Variants in DOCK2 observed in about 807,000 individuals in gnomAD.
DOCK2 encodes the protein dedicator of cytokinesis 2.
A neutral mutation model predicts 248.9 loss-of-function variants in DOCK2; 87 were observed. That is an observed-to-expected ratio of 0.35 (90% CI 0.29 to 0.42). The LOEUF (loss-of-function observed/expected upper bound fraction) is 0.42, where lower values mean the gene tolerates loss of function less well. DOCK2 is among the 10% of genes least tolerant of loss of function. The pLI, the probability that DOCK2 is intolerant of heterozygous loss-of-function variation, is 1.00. For missense variants in DOCK2, 1,747 were observed against 2,300.2 expected (o/e 0.76, Z 4.92); for synonymous variants, 805 against 821.6 (o/e 0.98, Z 0.35).
chr5:169,862,963 G>GT (rs1483008874), intron 27 of DOCK2, among the ~76,000 whole-genome samples: 2 of 152,218 alleles, frequency 1.3e-5, no homozygotes, highest in Non-Finnish European at 1.5e-5. Flanking sequence ...TTCTAGCAAT[G>GT]TCAATCTAAC....
rs1757253080 is a variant in DOCK2 at position 170,059,488 on chromosome 5, C to A, written c.4467+1822C>A. On this transcript the variant is annotated intron_variant, in intron 44 of 51. Transcript: ENST00000520908. ...GCCAAACTGTAGCAAACTGAGAGAG[C>A]CCATCCCTGTACTTCCCATTCCCTC... Among the ~76,000 whole-genome samples the A allele has an allele frequency of 2.6e-5, 4 of 152,248 alleles. No individual in the cohort carries two copies. In the South Asian group the frequency reaches 8.3e-4, roughly 32 times the overall value.
intron 27 of DOCK2, chr5:169,882,810 G>C (rs115307165): frequency 6.4e-7 from 1 of 1,551,370 alleles, no homozygotes; most frequent in East Asian, 2.4e-5. Flanking sequence ...TGTCTGACTC[G>C]GTGGGGTTGT....
At chr5:169,710,385 A>T (rs935239064) in intron 15 of DOCK2, among the ~76,000 whole-genome samples, 12 of 152,218 alleles carry the variant, frequency 7.9e-5, no homozygotes, top group African/African-American at 2.9e-4. Context: ...GCACCATTCT[A>T]CTCAGCAATG....
intron 27 of DOCK2, chr5:169,980,181 C>A (rs1198012637): frequency 1.3e-5 from 2 of 152,102 alleles, no homozygotes; most frequent in Admixed American, 1.3e-4. Flanking sequence ...TGATTTAAGC[C>A]AAAGCTTTAA....
At chr5:169,765,430 A>AG (rs1488965966) in intron 25 of DOCK2, among the ~76,000 whole-genome samples, 5 of 152,186 alleles carry the variant, frequency 3.3e-5, no homozygotes, top group African/African-American at 1.2e-4. Flanking sequence ...CTCCAACACA[A>AG]GCTCAGACCT....
intron 2 of DOCK2, among the ~76,000 whole-genome samples, chr5:169,667,690 A>G (rs940081914): frequency 6.6e-5 from 10 of 152,224 alleles, no homozygotes; most frequent in Non-Finnish European, 5.9e-5. Context: ...TTTCATTTGC[A>G]GAGCTGAAGC....
rs192624236 is a variant in DOCK2 at position 169,928,672 on chromosome 5, C to T, written c.2800-54396C>T. Among the ~76,000 whole-genome samples the T allele has an allele frequency of 4.2e-4, 64 of 152,290 alleles. 1 individual carries two copies. Among genetic ancestry groups the T allele is most frequent in the African/African-American group, 1.5e-3 (62 of 41,564 alleles). On this transcript the variant is annotated intron_variant, in intron 27 of 51. Coordinates refer to ENST00000520908, the MANE Select transcript of DOCK2 (RefSeq NM_004946.3). ...GCAGAGAGATCTAAATACATCCAAA[C>T]TGTTGAAGCGTAAAGCATTAGAAAA...
At chr5:169,802,957 T>A in intron 25 of DOCK2, 101 bp from the exon 26 acceptor site, 1 of 1,375,548 alleles carries the variant, frequency 7.3e-7, no homozygotes. Context: ...GGAGAATGTC[T>A]TCATGAACTA....
chr5:169,661,669 A>G (rs1456095283), intron 2 of DOCK2, among the ~76,000 whole-genome samples: 1 of 151,892 alleles, frequency 6.6e-6, no homozygotes, highest in Non-Finnish European at 1.5e-5. Context: ...CTATGTCTGT[A>G]TATTTGACTC....
intron 22 of DOCK2, among the ~76,000 whole-genome samples, chr5:169,723,204 A>G (rs1404738901): frequency 6.6e-6 from 1 of 151,902 alleles, no homozygotes; most frequent in Non-Finnish European, 1.5e-5. Context: ...CTCCTCCTTC[A>G]CCAGCCCCAG....
rs1366224 is a variant in DOCK2, at chr5:169,831,202, A to T, written c.2704-9555A>T. On this transcript the variant is annotated intron_variant, in intron 26 of 51. Transcript: ENST00000520908. ...CATTTTTTCCAGACTTTCTGGACAT[A>T]GAAAATAAATTTTCAAAAAAAAAAG... 6.2e-3 allele frequency among the ~76,000 whole-genome samples: 632 copies of T among 102,012 alleles called. 6 individuals carry two copies. Among genetic ancestry groups the T allele is most frequent in the African/African-American group, 0.028 (568 of 20,544 alleles). 66.9% of individuals were successfully genotyped at this position (102,012 alleles called of 152,430 possible).
chr5:169,679,192 A>G (rs2113340877), intron 6 of DOCK2, among the ~76,000 whole-genome samples: 2 of 152,310 alleles, frequency 1.3e-5, no homozygotes, highest in Middle Eastern at 6.8e-3. Context: ...GGTGCGTGCC[A>G]CCATGCCCAG....
At chr5:169,669,247 G>T in intron 2 of DOCK2, 41 bp from the exon 3 acceptor site, 1 of 1,611,166 alleles carries the variant, frequency 6.2e-7, no homozygotes, top group Non-Finnish European at 8.5e-7. Context: ...CAACAAACTT[G>T]TAATAAATGA....
chr5:170,073,180 A>G (rs954468709), intron 46 of DOCK2, among the ~76,000 whole-genome samples: 1 of 152,240 alleles, frequency 6.6e-6, no homozygotes, highest in Non-Finnish European at 1.5e-5. Flanking sequence ...GATGTAAAGT[A>G]AGAGGCAGAT....
intron 9 of DOCK2, among the ~76,000 whole-genome samples, chr5:169,691,394 C>T (rs1760291431): frequency 6.6e-6 from 1 of 152,182 alleles, no homozygotes; most frequent in South Asian, 2.1e-4. Context: ...GGTGATGGTG[C>T]TCTCACTTCT....
chr5:169,848,483 T>G (rs564848363), intron 27 of DOCK2, among the ~76,000 whole-genome samples: 1 of 152,176 alleles, frequency 6.6e-6, no homozygotes, highest in Non-Finnish European at 1.5e-5. Context: ...TCAAGAACCC[T>G]CCCTGGCTGA....
chr5:169,713,967 G>T lies in DOCK2; in HGVS notation c.1660-61G>T. 3.3e-6 allele frequency: 5 copies of T among 1,500,836 alleles called. No individual in the cohort carries two copies. The East Asian group carries it at 1.1e-4, about 34-fold the overall frequency. 93.0% of individuals were successfully genotyped at this position (1,500,836 alleles called of 1,614,324 possible). A position where few individuals can be genotyped will look rare whatever the true frequency, so the allele number is the denominator to read the frequency against. ...ACAGTGTCTAATTTGTCTGCTGCAG[G>T]CTCTGTGTGGCATTGGGCATGGAGC... On this transcript the variant is annotated intron_variant, in intron 17 of 51. Transcript: ENST00000520908.
intron 26 of DOCK2, among the ~76,000 whole-genome samples, chr5:169,806,078 G>T (rs937846344): frequency 1.3e-5 from 2 of 152,140 alleles, no homozygotes; most frequent in African/African-American, 4.8e-5. Context: ...CTTCTTCAAT[G>T]AATAGGAGGC....
intron 5 of DOCK2, among the ~76,000 whole-genome samples, chr5:169,672,424 C>A (rs542178835): frequency 6.6e-6 from 1 of 152,332 alleles, no homozygotes; most frequent in Admixed American, 6.5e-5. Context: ...CCTTCAACAT[C>A]TAGTACTTCG....
Sources: gnomAD v4.1 joint callset for allele counts (sites outside exome capture counted in the v4.1 genomes callset) on GRCh38, gnomAD v4.1.1 for gene constraint, MANE v1.5 for transcripts, NCBI Gene and HGNC (gene_info 2026-07-23, HGNC 2026-07-21) for gene names.